Variants in RNF169 observed in about 807,000 individuals in gnomAD.
RNF169 encodes the protein E3 ubiquitin-protein ligase RNF169.
In RNF169, 24 loss-of-function variants were observed where a neutral mutation model predicts 53.9. The observed-to-expected ratio is 0.45, with a 90% CI of 0.32 to 0.63. The LOEUF (loss-of-function observed/expected upper bound fraction) is 0.63, where lower values mean the gene tolerates loss of function less well. RNF169 is among the 20% of genes least tolerant of loss of function. The pLI is 0.04. For missense variants in RNF169, 883 were observed against 906.2 expected (o/e 0.97, Z 0.33); for synonymous variants, 396 against 363.5 (o/e 1.09, Z -1.02).
intron 2 of RNF169, among the ~76,000 whole-genome samples, chr11:74,799,778 G>A (rs2035704552): frequency 6.6e-6 from 1 of 151,730 alleles, no homozygotes; most frequent in Non-Finnish European, 1.5e-5. Context: ...GCAGAATTGT[G>A]CATTTCTGTT....
intron 2 of RNF169, chr11:74,807,776 T>A (rs1019566240): frequency 3.3e-5 from 5 of 152,198 alleles, no homozygotes; most frequent in African/African-American, 1.2e-4. Context: ...AAAATGCTAC[T>A]TTCTCACCCT....
intron 1 of RNF169, among the ~76,000 whole-genome samples, chr11:74,771,477 G>A (rs561095944): frequency 6.6e-6 from 1 of 152,302 alleles, no homozygotes; most frequent in African/African-American, 2.4e-5. Context: ...GCTGAGGTGG[G>A]ATGATCACTT....
At chr11:74,815,429 A>C (rs1317633708) in intron 3 of RNF169, among the ~76,000 whole-genome samples, 5 of 152,064 alleles carry the variant, frequency 3.3e-5, no homozygotes, top group Non-Finnish European at 5.9e-5. Flanking sequence ...GATGGTGGGC[A>C]CCTGTAATCC....
intron 4 of RNF169, among the ~76,000 whole-genome samples, chr11:74,818,991 T>C (rs2035975774): frequency 6.6e-6 from 1 of 152,184 alleles, no homozygotes; most frequent in Non-Finnish European, 1.5e-5. Context: ...GTATTTGTAC[T>C]GTAAATCACT....
In RNF169 at chr11:74,839,551, C is replaced by T. The variant is rs1209981674; in HGVS notation, c.*2821C>T. Reference sequence around the variant, plus strand: ...GCAGGATTTCACAAAACAAATTCCTCACAAATCATTGAAGCCCAGTTCACC... The same window carrying T: ...GCAGGATTTCACAAAACAAATTCCTTACAAATCATTGAAGCCCAGTTCACC... On this transcript the variant is annotated 3_prime_UTR_variant, in exon 6 of 6. Transcript: ENST00000299563. The T allele has an allele frequency of 1.3e-5, 2 of 152,172 alleles. No homozygotes were observed. Among genetic ancestry groups the T allele is most frequent in the African/African-American group, 4.8e-5 (2 of 41,448 alleles). 9.4% of individuals were successfully genotyped at this position (152,172 alleles called of 1,614,324 possible). A position where few individuals can be genotyped will look rare whatever the true frequency, so the allele number is the denominator to read the frequency against.
chr11:74,836,294 T>C lies in RNF169; in HGVS notation c.1691T>C (p.Ile564Thr), dbSNP rs766535373. 1.9e-6 allele frequency: 3 copies of C among 1,614,030 alleles called. No homozygotes were observed. The African/African-American group carries it at 4.0e-5, about 22-fold the overall frequency. The change falls in exon 6 of 6, where the codon ATA becomes ACA. Residue 564 changes from isoleucine (I) to threonine (T), a missense_variant. Around this residue, in one of 3 missense-constraint regions of RNF169, gnomAD observed 351 missense variants for 337.3 expected, o/e 1.04. Transcript: ENST00000299563. ...GATGCCAAGTTAGACAAAACCTGTATAAGCAGAGCCATGAAAATCACCACA... is the reference window on the plus strand; with the variant it reads ...GATGCCAAGTTAGACAAAACCTGTACAAGCAGAGCCATGAAAATCACCACA... ...TPDAKLDKTC[I>T]SRAMKITTVN...
At position 74,835,780 on chromosome 11, in the gene RNF169, C is replaced by T; in HGVS notation, c.1177C>T (p.Pro393Ser). The change falls in exon 6 of 6, where the codon CCC (proline) becomes TCC (serine). Residue 393 changes from proline to serine, a missense_variant. Transcript: ENST00000299563. ...CATTGTCTGCTCACCATGTACTCCT[C>T]CCAAGAGACTCCCTGATGGCCGTGT... ...KPIVCSPCTP[P>S]KRLPDGRVLS... 1 of 1,614,188 alleles carries T rather than the reference C, an allele frequency of 6.2e-7. No homozygotes were observed. Among genetic ancestry groups the T allele is most frequent in the Non-Finnish European group, 8.5e-7 (1 of 1,180,032 alleles).
At chr11:74,808,370 A>G (rs1360476334) in intron 2 of RNF169, among the ~76,000 whole-genome samples, 1 of 152,172 alleles carries the variant, frequency 6.6e-6, no homozygotes, top group Admixed American at 6.5e-5. Context: ...ATATTTATGT[A>G]TATATTGGAG....
intron 4 of RNF169, among the ~76,000 whole-genome samples, chr11:74,826,380 G>GAACAGCATGGGGGT (rs1418806665): frequency 6.6e-6 from 1 of 152,002 alleles, no homozygotes; most frequent in African/African-American, 2.4e-5. Flanking sequence ...ACTATCACGA[G>GAACAGCATGGGGGT]AACAGCATGG....
intron 1 of RNF169, among the ~76,000 whole-genome samples, chr11:74,784,470 T>C (rs79159933): frequency 6.6e-6 from 1 of 152,030 alleles, no homozygotes; most frequent in African/African-American, 2.4e-5. Context: ...AGGGAGAAGG[T>C]GTGTGGGACA....
Position 74,828,286 on chromosome 11 carries a change from C to T in RNF169, c.843-6390C>T, listed in dbSNP as rs548147092. On this transcript the variant is annotated intron_variant, in intron 4 of 5. Transcript: ENST00000299563. ...ATGGGCTAACAAGGGAAGGCAGGAT[C>T]TCTTCAAGGAGAACTACAAACCACT... Among the ~76,000 whole-genome samples, 123 of 152,240 alleles carry T rather than the reference C, an allele frequency of 8.1e-4. 1 individual carries two copies. Among genetic ancestry groups the T allele is most frequent in the South Asian group, 2.7e-3 (13 of 4,822 alleles).
chr11:74,785,311 A>G (rs950972513), intron 1 of RNF169, among the ~76,000 whole-genome samples: 5 of 145,382 alleles, frequency 3.4e-5, no homozygotes, highest in Non-Finnish European at 7.5e-5. Flanking sequence ...AGATATATAT[A>G]TATGTTATAT....
At chr11:74,762,879 T>C (rs1051287749) in intron 1 of RNF169, among the ~76,000 whole-genome samples, 50 of 151,788 alleles carry the variant, frequency 3.3e-4, no homozygotes, top group African/African-American at 1.2e-3. Context: ...TGGAGCAGAG[T>C]GAGGAGTGTA....
intron 4 of RNF169, among the ~76,000 whole-genome samples, chr11:74,823,476 C>G (rs1417559804): frequency 6.6e-6 from 1 of 152,172 alleles, no homozygotes; most frequent in African/African-American, 2.4e-5. Flanking sequence ...TGACTCATGC[C>G]TGTAATCCTA....
intron 1 of RNF169, among the ~76,000 whole-genome samples, chr11:74,785,205 TATATG>T (rs2035476690): frequency 8.1e-6 from 1 of 122,964 alleles, no homozygotes; most frequent in Non-Finnish European, 1.6e-5. Flanking sequence ...ATGATATATA[TATATG>T]ATATATATAT....
At chr11:74,773,103 AGCTTTTGGT>A (rs1565173510) in intron 1 of RNF169, among the ~76,000 whole-genome samples, 1 of 152,122 alleles carries the variant, frequency 6.6e-6, no homozygotes, top group Non-Finnish European at 1.5e-5. Context: ...ACTTAAACTG[AGCTTTTGGT>A]GACTAGGAGA....
chr11:74,775,030 T>C (rs1335363431), intron 1 of RNF169, among the ~76,000 whole-genome samples: 4 of 152,162 alleles, frequency 2.6e-5, no homozygotes, highest in Admixed American at 2.6e-4. Context: ...GACAATTCTT[T>C]GGAGGAATTT....
intron 1 of RNF169, among the ~76,000 whole-genome samples, chr11:74,763,496 A>G (rs1039809439): frequency 6.6e-6 from 1 of 152,252 alleles, no homozygotes; most frequent in Admixed American, 6.5e-5. Context: ...TGAATAAAGC[A>G]TTATGAAACA....
At chr11:74,779,205 T>C in intron 1 of RNF169, among the ~76,000 whole-genome samples, 1 of 152,226 alleles carries the variant, frequency 6.6e-6, no homozygotes, top group East Asian at 1.9e-4. Context: ...ATTAAATTAC[T>C]AGATCAGATG....
Sources: gnomAD v4.1 joint callset for allele counts (sites outside exome capture counted in the v4.1 genomes callset) on GRCh38, gnomAD v4.1.1 for gene constraint, gnomAD v4.1.1 regional missense constraint, MANE v1.5 for transcripts, NCBI Gene and HGNC (gene_info 2026-07-23, HGNC 2026-07-21) for gene names.